Variants in NAA11 observed in about 807,000 individuals in gnomAD.
NAA11 encodes the protein N-alpha-acetyltransferase 11.
NAA11 carries 15 observed loss-of-function variants against 16.1 expected under a neutral mutation model. The ratio of observed to expected loss-of-function variants is 0.93; its 90% CI spans 0.62 to 1.44. The LOEUF (loss-of-function observed/expected upper bound fraction) is 1.44. NAA11 is among the 40% of genes most tolerant of loss of function. The pLI is 0.00. For missense variants in NAA11, 298 were observed against 291.3 expected (o/e 1.02, Z -0.17); for synonymous variants, 122 against 112.4 (o/e 1.09, Z -0.54).
chr4:79,199,042 A>G, the NAA11 span, among the ~76,000 whole-genome samples: 1 of 152,002 alleles, frequency 6.6e-6, no homozygotes, highest in South Asian at 2.1e-4. Flanking sequence ...AATCAATACC[A>G]TGGTTGGATT....
chr4:79,212,586 C>T, the NAA11 span, among the ~76,000 whole-genome samples: 9 of 152,178 alleles, frequency 5.9e-5, no homozygotes, highest in East Asian at 1.7e-3. Context: ...GTAGTCTGTT[C>T]CTATCCACGG....
chr4:79,277,551 C>A (rs1194377260), intron 2 of NAA11, among the ~76,000 whole-genome samples: 2 of 152,080 alleles, frequency 1.3e-5, no homozygotes, highest in African/African-American at 4.8e-5. Flanking sequence ...TCTTTGCCTT[C>A]TACTTTTAAA....
chr4:79,292,660 T>A (rs1723114196), intron 2 of NAA11, among the ~76,000 whole-genome samples: 2 of 152,234 alleles, frequency 1.3e-5, no homozygotes, highest in African/African-American at 4.8e-5. Flanking sequence ...GAGCAAGGCT[T>A]TTCCAGATGG....
chr4:79,302,436 T>G (rs1212947452), intron 1 of NAA11, among the ~76,000 whole-genome samples: 1 of 152,154 alleles, frequency 6.6e-6, no homozygotes, highest in Admixed American at 6.5e-5. Context: ...TAGGACAAAA[T>G]GAAAAGGGAT....
chr4:79,325,638 T>C lies in NAA11; in HGVS notation c.240A>G (p.Ser80=). The change falls in exon 1 of 2, where the codon TCA becomes TCG. Residue 80 remains serine, a synonymous_variant. Coordinates refer to ENST00000286794, the MANE Select transcript of NAA11 (RefSeq NM_032693.3). The stretch of plus-strand genomic sequence containing the variant: ...TCTGGGCCAGGCCGAGGCGCCGGTG[T>C]GAACGCTTCACGGCCAGTGAGGTGA... The part of the protein sequence containing the change: ...GHITSLAVKR[S]HRRLGLAQKL... 6.2e-7 allele frequency: 1 copy of C among 1,614,096 alleles called. No individual in the cohort carries two copies.
chr4:79,170,023 A>G, the NAA11 span, among the ~76,000 whole-genome samples: 1 of 152,158 alleles, frequency 6.6e-6, no homozygotes, highest in African/African-American at 2.4e-5. Flanking sequence ...CGCCCACAAG[A>G]GGTGGATTTA....
chr4:79,302,051 A>T (rs1270881644), intron 1 of NAA11, among the ~76,000 whole-genome samples: 1 of 152,188 alleles, frequency 6.6e-6, no homozygotes, highest in Non-Finnish European at 1.5e-5. Flanking sequence ...CATTAGTAGA[A>T]ATACATAAAT....
intron 1 of NAA11, among the ~76,000 whole-genome samples, chr4:79,303,076 TTATATATATA>T (rs59261096): frequency 0.06 from 4,034 of 67,390 alleles, 156 homozygotes; most frequent in Admixed American, 0.08. Flanking sequence ...TTGAGGCCTT[TTATATATATA>T]TATATATATA....
chr4:79,163,038 G>A, the NAA11 span, among the ~76,000 whole-genome samples: 1 of 152,208 alleles, frequency 6.6e-6, no homozygotes, highest in Non-Finnish European at 1.5e-5. Context: ...GAGTAATGCA[G>A]CTAATATAAG....
chr4:79,325,557 C>G lies in NAA11; in HGVS notation c.321G>C (p.Val107=). 6.2e-7 allele frequency: 1 copy of G among 1,614,092 alleles called. No individual in the cohort carries two copies. Among genetic ancestry groups the G allele is most frequent in the Non-Finnish European group, 8.5e-7 (1 of 1,179,972 alleles). The change falls in exon 1 of 2, where the codon GTG becomes GTC. Residue 107 remains valine (V), a synonymous_variant. Transcript: ENST00000286794. ...AMIENFNAKY[V]SLHVRKSNRP... is the part of the protein sequence containing the mutation. Reference sequence around the variant, plus strand: ...GGTTACTCTTCCTGACGTGCAGAGACACGTATTTGGCGTTAAAGTTCTCTA... The same window carrying G: ...GGTTACTCTTCCTGACGTGCAGAGAGACGTATTTGGCGTTAAAGTTCTCTA...
chr4:79,285,532 A>G (rs1272237426), intron 2 of NAA11, among the ~76,000 whole-genome samples: 1 of 152,094 alleles, frequency 6.6e-6, no homozygotes, highest in African/African-American at 2.4e-5. Context: ...AATACCTTGT[A>G]ATTATGCAGA....
the NAA11 span, among the ~76,000 whole-genome samples, chr4:79,172,384 T>A: frequency 5.9e-5 from 9 of 152,170 alleles, no homozygotes; most frequent in Non-Finnish European, 1.2e-4. Flanking sequence ...AAACTACTTA[T>A]TAACTTTTTT....
At chr4:79,291,384 G>A (rs972642758) in intron 2 of NAA11, among the ~76,000 whole-genome samples, 2 of 151,652 alleles carry the variant, frequency 1.3e-5, no homozygotes, top group African/African-American at 2.4e-5. Context: ...GATCACTTCA[G>A]CCCAAGAGAT....
At chr4:79,219,235 T>G in the NAA11 span, among the ~76,000 whole-genome samples, 5 of 152,202 alleles carry the variant, frequency 3.3e-5, no homozygotes, top group African/African-American at 7.2e-5. Flanking sequence ...GTCGATTGGA[T>G]GAGGGTTAAA....
At position 79,304,466 on chromosome 4, in the gene NAA11, C is replaced by T. The variant is rs117056382; in HGVS notation, c.*13-10352G>A. Among the ~76,000 whole-genome samples, 277 of 152,054 alleles carry T rather than the reference C, an allele frequency of 1.8e-3. 10 individuals carry two copies. The East Asian group carries it at 0.048, about 26-fold the overall frequency. On this transcript the variant is annotated intron_variant and NMD_transcript_variant, in intron 1 of 2. Transcript: ENST00000511542. ...ATTATCCCATTTATTTTTTAAGGTA[C>T]GAATAATTCATATAAAGACATTTTT...
chr4:79,165,129 G>T, the NAA11 span, among the ~76,000 whole-genome samples: 2 of 152,320 alleles, frequency 1.3e-5, no homozygotes, highest in Middle Eastern at 3.4e-3. Context: ...CACCAGAAGA[G>T]CCCATTTATC....
intron 2 of NAA11, among the ~76,000 whole-genome samples, chr4:79,277,318 C>G (rs182475040): frequency 6.6e-6 from 1 of 151,994 alleles, no homozygotes; most frequent in Non-Finnish European, 1.5e-5. Flanking sequence ...ACCATGTATC[C>G]GTAAGTTGGT....
rs1244256736 is a variant in NAA11 at position 79,326,002 on chromosome 4, G to C, written c.-125C>G. The C allele has an allele frequency of 1.3e-6, 1 of 774,210 alleles. No homozygotes were observed. Among genetic ancestry groups the C allele is most frequent in the East Asian group, 2.7e-5 (1 of 37,202 alleles). 48.0% of individuals were successfully genotyped at this position (774,210 alleles called of 1,614,324 possible). ...GGCTAACACCACCGGGCTGAATCGT[G>C]TGGAGGGCGGATGGCGGGAAGGCGG... On this transcript the variant is annotated 5_prime_UTR_variant, in exon 1 of 2. Transcript: ENST00000286794.
intron 2 of NAA11, among the ~76,000 whole-genome samples, chr4:79,268,621 C>A (rs1722403908): frequency 6.6e-6 from 1 of 152,064 alleles, no homozygotes; most frequent in African/African-American, 2.4e-5. Context: ...TGAAGACTCT[C>A]AATGTAGGGT....
Sources: gnomAD v4.1 joint callset for allele counts (sites outside exome capture counted in the v4.1 genomes callset) on GRCh38, gnomAD v4.1.1 for gene constraint, MANE v1.5 for transcripts, NCBI Gene and HGNC (gene_info 2026-07-23, HGNC 2026-07-21) for gene names.